ROBO2: variants seen among roughly 807,000 people sequenced by gnomAD.
ROBO2 encodes roundabout homolog 2.
ROBO2 carries 53 observed loss-of-function variants against 160.8 expected under a neutral mutation model. The observed-to-expected ratio is 0.33, with a 90% CI of 0.26 to 0.41. ROBO2 has a LOEUF of 0.41. Ranked by LOEUF, ROBO2 falls within the 10% of genes least tolerant of loss-of-function variation. The probability of loss-of-function intolerance (pLI) is 1.00; values close to 1 mark genes in which losing one functional copy is unlikely to be tolerated. For synonymous variants in ROBO2, 664 were observed against 611.7 expected (o/e 1.09, Z -1.26); for missense variants, 1,577 against 1,722.4 (o/e 0.92, Z 1.49).
chr3:77,061,202 G>A (rs1402610856), intron 1 of ROBO2, among the ~76,000 whole-genome samples: 3 of 152,114 alleles, frequency 2.0e-5, no homozygotes, highest in South Asian at 4.2e-4. Flanking sequence ...ACATACAGAC[G>A]GAAGCAGATA....
intron 2 of ROBO2, among the ~76,000 whole-genome samples, chr3:77,172,259 G>A (rs74801542): frequency 0.01 from 1,541 of 152,154 alleles, 27 homozygotes; most frequent in African/African-American, 0.035. Flanking sequence ...TGCCTAATGA[G>A]GATTACTTTT....
chr3:76,532,558 C>G (rs1408340573), intron 2 of ROBO2, among the ~76,000 whole-genome samples: 1 of 152,114 alleles, frequency 6.6e-6, no homozygotes, highest in Non-Finnish European at 1.5e-5. Flanking sequence ...GTATAATGTA[C>G]CATTTGACCT....
At chr3:77,366,896 C>CCCG (rs752938419) in intron 2 of ROBO2, among the ~76,000 whole-genome samples, 1 of 151,526 alleles carries the variant, frequency 6.6e-6, no homozygotes, top group Non-Finnish European at 1.5e-5. Context: ...TCACAGCACC[C>CCCG]CCCCGACACT....
intron 2 of ROBO2, among the ~76,000 whole-genome samples, chr3:77,011,054 C>CTTTCTTCTTTCTTTCT (rs367569139): frequency 1.2e-4 from 13 of 106,816 alleles, no homozygotes; most frequent in African/African-American, 4.8e-4. Flanking sequence ...TTCTTTCTTT[C>CTTTCTTCTTTCTTTCT]TTCTTTCTTT....
At chr3:76,280,063 C>A (rs181692372) in intron 2 of ROBO2, among the ~76,000 whole-genome samples, 7 of 151,992 alleles carry the variant, frequency 4.6e-5, no homozygotes, top group Admixed American at 1.3e-4. Flanking sequence ...TATCCCCATT[C>A]CTTTTGCTAT....
chr3:76,745,781 T>A (rs550072117), intron 2 of ROBO2, among the ~76,000 whole-genome samples: 1 of 147,408 alleles, frequency 6.8e-6, no homozygotes, highest in Non-Finnish European at 1.5e-5. Context: ...ACTCAAATAA[T>A]TTTTTTAAAA....
intron 2 of ROBO2, among the ~76,000 whole-genome samples, chr3:76,147,104 C>G (rs1370092003): frequency 6.6e-6 from 1 of 150,612 alleles, no homozygotes; most frequent in Non-Finnish European, 1.5e-5. Context: ...GCACATGTAC[C>G]CCAAACTTAA....
intron 2 of ROBO2, among the ~76,000 whole-genome samples, chr3:77,003,621 T>A (rs1264758832): frequency 6.6e-6 from 1 of 152,070 alleles, no homozygotes; most frequent in Non-Finnish European, 1.5e-5. Flanking sequence ...AGGGCAATGG[T>A]GCGATATCGG....
At chr3:77,530,226 G>A (rs1429285943) in intron 6 of ROBO2, among the ~76,000 whole-genome samples, 3 of 151,876 alleles carry the variant, frequency 2.0e-5, no homozygotes, top group African/African-American at 4.8e-5. Flanking sequence ...AGCATATAAC[G>A]TTTAGAGAAA....
At position 77,646,042 on chromosome 3, in the gene ROBO2, C is replaced by G; in HGVS notation, c.4136-12C>G. The stretch of plus-strand genomic sequence containing the variant: ...ATTTATATTTTATTTCTACTTTTTT[C>G]TCTTTCTTTAGAGTAAATGAGAGGA... On this transcript the variant is annotated splice_polypyrimidine_tract_variant and intron_variant, in intron 25 of 25. Coordinates refer to ENST00000461745, the Ensembl canonical transcript of ROBO2. 6.3e-7 allele frequency: 1 copy of G among 1,583,976 alleles called. No individual in the cohort carries two copies. Among genetic ancestry groups the G allele is most frequent in the Non-Finnish European group, 8.6e-7 (1 of 1,158,570 alleles).
intron 2 of ROBO2, among the ~76,000 whole-genome samples, chr3:77,457,310 T>C (rs1043526598): frequency 1.3e-5 from 2 of 152,190 alleles, no homozygotes; most frequent in Non-Finnish European, 2.9e-5. Flanking sequence ...CAACTTTTTT[T>C]CTTTCTGTGA....
chr3:76,644,337 A>C (rs1362054702), intron 2 of ROBO2, among the ~76,000 whole-genome samples: 1 of 152,138 alleles, frequency 6.6e-6, no homozygotes, highest in Non-Finnish European at 1.5e-5. Context: ...AAAAGCCTAT[A>C]AACAAACAAA....
intron 2 of ROBO2, among the ~76,000 whole-genome samples, chr3:76,618,436 G>GAT (rs561799217): frequency 5.6e-4 from 83 of 148,762 alleles, no homozygotes; most frequent in Admixed American, 4.0e-4. Flanking sequence ...TAGGAAATAG[G>GAT]ATATATATAT....
At chr3:76,760,615 A>T (rs2108364866) in intron 2 of ROBO2, among the ~76,000 whole-genome samples, 1 of 151,366 alleles carries the variant, frequency 6.6e-6, no homozygotes, top group East Asian at 2.0e-4. Context: ...TCAACTACTA[A>T]CCTTTTGCTC....
At chr3:77,301,257 G>T (rs548312354) in intron 2 of ROBO2, among the ~76,000 whole-genome samples, 2 of 152,054 alleles carry the variant, frequency 1.3e-5, no homozygotes, top group East Asian at 3.9e-4. Context: ...CTTTACATAA[G>T]ATTTTTAAAG....
At chr3:76,175,778 C>T (rs1372232064) in intron 2 of ROBO2, among the ~76,000 whole-genome samples, 1 of 152,102 alleles carries the variant, frequency 6.6e-6, no homozygotes, top group African/African-American at 2.4e-5. Context: ...TTACCCAAAA[C>T]CCATAGTAAT....
intron 2 of ROBO2, among the ~76,000 whole-genome samples, chr3:77,134,337 A>G (rs1431637098): frequency 6.6e-6 from 1 of 152,204 alleles, no homozygotes; most frequent in African/African-American, 2.4e-5. Flanking sequence ...TTGACTTTTT[A>G]TTTTTGTAGT....
At chr3:77,450,956 C>T (rs190165034) in intron 2 of ROBO2, among the ~76,000 whole-genome samples, 1 of 152,112 alleles carries the variant, frequency 6.6e-6, no homozygotes, top group Non-Finnish European at 1.5e-5. Flanking sequence ...TGAAATTCTA[C>T]AAAGTCAAAA....
chr3:77,292,779 C>T (rs1489645411), intron 2 of ROBO2, among the ~76,000 whole-genome samples: 5 of 91,678 alleles, frequency 5.5e-5, no homozygotes, highest in African/African-American at 8.7e-5. Context: ...GTAAATTTGA[C>T]GGTTAAACAG....
Sources: gnomAD v4.1 joint callset for allele counts (sites outside exome capture counted in the v4.1 genomes callset) on GRCh38, gnomAD v4.1.1 for gene constraint, MANE v1.5 for transcripts, NCBI Gene and HGNC (gene_info 2026-07-23, HGNC 2026-07-21) for gene names.